REDIC1: variants seen among roughly 807,000 people sequenced by gnomAD.
The protein encoded by REDIC1 is HEI10 Interacting Protein 1.
the REDIC1 span, among the ~76,000 whole-genome samples, chr12:39,734,322 T>G: frequency 6.6e-6 from 1 of 152,210 alleles, no homozygotes; most frequent in South Asian, 2.1e-4. Context: ...TTGATCTCAC[T>G]GGGAGTTGCA....
chr12:39,676,199 A>T, the REDIC1 span, among the ~76,000 whole-genome samples: 1 of 152,180 alleles, frequency 6.6e-6, no homozygotes, highest in East Asian at 1.9e-4. Context: ...GAAATAAAAA[A>T]AAAAAACCAG....
the REDIC1 span, among the ~76,000 whole-genome samples, chr12:39,701,333 A>G: frequency 6.6e-6 from 1 of 152,312 alleles, no homozygotes; most frequent in East Asian, 1.9e-4. Flanking sequence ...ATCAAAAGAG[A>G]CAAAGAAGGC....
At chr12:39,716,177 G>A in the REDIC1 span, among the ~76,000 whole-genome samples, 1 of 151,948 alleles carries the variant, frequency 6.6e-6, no homozygotes, top group Non-Finnish European at 1.5e-5. Flanking sequence ...AACAGGAGTG[G>A]TTGAAGCTAC....
At chr12:39,819,176 T>G in the REDIC1 span, among the ~76,000 whole-genome samples, 1 of 152,212 alleles carries the variant, frequency 6.6e-6, no homozygotes, top group East Asian at 1.9e-4. Context: ...GTCTCATTTT[T>G]AAGCCTTAAA....
At chr12:39,902,817 G>A in the REDIC1 span, among the ~76,000 whole-genome samples, 11 of 152,084 alleles carry the variant, frequency 7.2e-5, no homozygotes, top group Non-Finnish European at 1.3e-4. Context: ...TGAATGAGGT[G>A]AGTGGCATAG....
chr12:39,679,460 G>T, the REDIC1 span, among the ~76,000 whole-genome samples: 3 of 152,028 alleles, frequency 2.0e-5, no homozygotes, highest in South Asian at 6.2e-4. Context: ...ATATCTACAA[G>T]AAAAACTAGA....
At chr12:39,639,670 A>G in the REDIC1 span, among the ~76,000 whole-genome samples, 6 of 152,090 alleles carry the variant, frequency 3.9e-5, no homozygotes, top group Admixed American at 1.3e-4. Flanking sequence ...TTTCCTCATC[A>G]GTAAAGTGGG....
the REDIC1 span, among the ~76,000 whole-genome samples, chr12:39,773,532 C>G: frequency 2.6e-5 from 4 of 152,288 alleles, no homozygotes; most frequent in East Asian, 7.7e-4. Flanking sequence ...AAAATGTTAC[C>G]TCTCCATCAT....
the REDIC1 span, among the ~76,000 whole-genome samples, chr12:39,740,111 T>C: frequency 6.6e-5 from 10 of 152,214 alleles, no homozygotes; most frequent in African/African-American, 2.4e-4. Context: ...TCATTTGAAA[T>C]TGTCAAACCA....
At chr12:39,644,768 A>G in the REDIC1 span, among the ~76,000 whole-genome samples, 2 of 151,964 alleles carry the variant, frequency 1.3e-5, no homozygotes, top group African/African-American at 2.4e-5. Flanking sequence ...GAATAAAAAT[A>G]TATTTCCTCA....
the REDIC1 span, chr12:39,683,041 C>T: frequency 5.6e-6 from 9 of 1,612,912 alleles, no homozygotes; most frequent in Non-Finnish European, 7.6e-6. Context: ...AAAATGTCAG[C>T]CAAACAAGAA....
At chr12:39,633,794 C>CA in the REDIC1 span, among the ~76,000 whole-genome samples, 1 of 152,164 alleles carries the variant, frequency 6.6e-6, no homozygotes, top group Non-Finnish European at 1.5e-5. Flanking sequence ...CATCGTTACG[C>CA]AGTGTGTGAT....
the REDIC1 span, among the ~76,000 whole-genome samples, chr12:39,833,386 G>A: frequency 6.6e-6 from 1 of 151,882 alleles, no homozygotes; most frequent in Non-Finnish European, 1.5e-5. Flanking sequence ...AAGAACAACT[G>A]CTCTGCTACC....
chr12:39,649,542 T>C, the REDIC1 span, among the ~76,000 whole-genome samples: 72 of 151,900 alleles, frequency 4.7e-4, no homozygotes, highest in African/African-American at 1.5e-3. Flanking sequence ...GTCTATTTTT[T>C]TTCCCCAAAG....
At chr12:39,895,551 T>TATATATATACAC in the REDIC1 span, among the ~76,000 whole-genome samples, 7 of 66,764 alleles carry the variant, frequency 1.0e-4, no homozygotes, top group African/African-American at 4.4e-4. Context: ...TATATATATA[T>TATATATATACAC]ACACACACAC....
At chr12:39,711,858 TGTGTATACACGTATACACATGC>T in the REDIC1 span, among the ~76,000 whole-genome samples, 24 of 69,458 alleles carry the variant, frequency 3.5e-4, no homozygotes, top group African/African-American at 1.6e-3. Flanking sequence ...TGCATGTGTA[TGTGTATACACGTATACACATGC>T]ATGTGTATGT....
At chr12:39,871,805 A>G in the REDIC1 span, 4 of 1,600,914 alleles carry the variant, frequency 2.5e-6, no homozygotes, top group Non-Finnish European at 3.4e-6. Context: ...TACCTGCTAA[A>G]CTACCAAAGG....
chr12:39,779,850 A>G, the REDIC1 span, among the ~76,000 whole-genome samples: 1 of 152,238 alleles, frequency 6.6e-6, no homozygotes, highest in Non-Finnish European at 1.5e-5. Flanking sequence ...TTTCCACTGC[A>G]AGAGTGCCTG....
the REDIC1 span, among the ~76,000 whole-genome samples, chr12:39,877,127 A>G: frequency 1.3e-5 from 2 of 152,268 alleles, no homozygotes; most frequent in African/African-American, 2.4e-5. Context: ...GACTGTTTGT[A>G]TACTCAAAAA....
Sources: gnomAD v4.1 joint callset for allele counts (sites outside exome capture counted in the v4.1 genomes callset) on GRCh38, gnomAD v4.1.1 for gene constraint, MANE v1.5 for transcripts, NCBI Gene and HGNC (gene_info 2026-07-23, HGNC 2026-07-21) for gene names.